PTPN4: variants seen among roughly 807,000 people sequenced by gnomAD.
PTPN4 encodes protein tyrosine phosphatase non-receptor type 4.
In PTPN4, 49 loss-of-function variants were observed where a neutral mutation model predicts 135.5. The observed-to-expected ratio is 0.36, with a 90% CI of 0.29 to 0.46. The LOEUF (loss-of-function observed/expected upper bound fraction) is 0.46, where lower values mean the gene tolerates loss of function less well. Ranked by LOEUF, PTPN4 falls within the 20% of genes least tolerant of loss-of-function variation. The pLI, the probability that PTPN4 is intolerant of heterozygous loss-of-function variation, is 1.00. For synonymous variants in PTPN4, 333 were observed against 369.9 expected, an observed-to-expected ratio of 0.90 and a Z score of 1.14; for missense variants, 860 against 1,101.0, an observed-to-expected ratio of 0.78 and a Z score of 3.10.
intron 2 of PTPN4, among the ~76,000 whole-genome samples, chr2:119,855,545 G>A (rs916792806): frequency 2.6e-5 from 4 of 152,242 alleles, no homozygotes; most frequent in Admixed American, 1.3e-4. Context: ...AAGGATATCC[G>A]TCTTTAGGAT....
intron 26 of PTPN4, among the ~76,000 whole-genome samples, chr2:119,969,785 C>T (rs890007361): frequency 1.3e-5 from 2 of 151,930 alleles, no homozygotes; most frequent in South Asian, 4.2e-4. Context: ...GTCTAGATCT[C>T]CTGACTTGGT....
chr2:119,925,727 A>G (rs1372354114), intron 12 of PTPN4, among the ~76,000 whole-genome samples: 3 of 152,168 alleles, frequency 2.0e-5, no homozygotes, highest in Non-Finnish European at 4.4e-5. Context: ...AAAATGTTGA[A>G]ATACTCTTTT....
intron 12 of PTPN4, among the ~76,000 whole-genome samples, chr2:119,924,588 T>C (rs1678792721): frequency 6.6e-6 from 1 of 152,158 alleles, no homozygotes; most frequent in Non-Finnish European, 1.5e-5. Flanking sequence ...AAAAGATAAG[T>C]ATCTTACTGT....
chr2:119,847,105 C>G (rs1677510594), intron 2 of PTPN4, among the ~76,000 whole-genome samples: 1 of 149,780 alleles, frequency 6.7e-6, no homozygotes, highest in South Asian at 2.1e-4. Context: ...ACGTTACCAT[C>G]TGGTATCATT....
rs1324839388 is a variant in PTPN4 at position 119,885,846 on chromosome 2, C to T, written c.639C>T (p.Thr213=). ...AEFNYLNTAR[T]LELYGVEFHY... ...TTAATTACCTAAACACAGCACGTAC[C>T]TTAGAACTCTATGGAGTTGAATTCC... is the stretch of plus-strand genomic sequence containing the variant. The change falls in exon 9 of 27, where the codon ACC becomes ACT. Residue 213 remains threonine (T), a synonymous_variant. Transcript: ENST00000263708. 2.5e-6 allele frequency: 4 copies of T among 1,604,488 alleles called. No homozygotes were observed. The South Asian group carries it at 3.4e-5, about 14-fold the overall frequency.
At chr2:119,918,643 T>C (rs1413184067) in intron 11 of PTPN4, among the ~76,000 whole-genome samples, 2 of 152,160 alleles carry the variant, frequency 1.3e-5, no homozygotes, top group East Asian at 1.9e-4. Flanking sequence ...ATGGCACATA[T>C]GCTACTGGTG....
At chr2:119,889,905 T>TA (rs1357658083) in intron 9 of PTPN4, among the ~76,000 whole-genome samples, 3 of 152,210 alleles carry the variant, frequency 2.0e-5, no homozygotes, top group African/African-American at 7.2e-5. Flanking sequence ...GTTGTTTAAC[T>TA]AATTTGTTGA....
intron 1 of PTPN4, among the ~76,000 whole-genome samples, chr2:119,775,593 C>T (rs995911010): frequency 6.6e-6 from 1 of 152,098 alleles, no homozygotes; most frequent in Non-Finnish European, 1.5e-5. Context: ...AAAGGATTGT[C>T]AGCATTATGG....
chr2:119,862,432 C>A, intron 2 of PTPN4, 104 bp from the exon 3 acceptor site: 1 of 983,888 alleles, frequency 1.0e-6, no homozygotes, highest in Non-Finnish European at 1.5e-6. Context: ...CTACCTCTGG[C>A]ATAAATGGGT....
At chr2:119,958,718 G>A (rs1414069964) in intron 22 of PTPN4, among the ~76,000 whole-genome samples, 1 of 152,156 alleles carries the variant, frequency 6.6e-6, no homozygotes, top group Non-Finnish European at 1.5e-5. Context: ...ATTTTAATTA[G>A]CTGATCAATA....
rs774721137 is a variant in PTPN4 at position 119,882,484 on chromosome 2, G to A, written c.467-19G>A. Reference sequence around the variant, plus strand: ...AAAATTTGTTTATTAAAATGTGAATGTTTTCCTTTCATTATTAGCTGAACT... The same window carrying A: ...AAAATTTGTTTATTAAAATGTGAATATTTTCCTTTCATTATTAGCTGAACT... On this transcript the variant is annotated intron_variant, in intron 7 of 26. Coordinates refer to ENST00000263708, the MANE Select transcript of PTPN4 (RefSeq NM_002830.4). 2.0e-6 allele frequency: 3 copies of A among 1,491,224 alleles called. No homozygotes were observed. The South Asian group carries it at 3.9e-5, about 20-fold the overall frequency. The allele number at this position is 1,491,224 out of a possible 1,614,324, so 92.4% of individuals were successfully genotyped here. A position where few individuals can be genotyped will look rare whatever the true frequency, so the allele number is the denominator to read the frequency against.
chr2:119,876,208 A>G (rs1220924756), intron 3 of PTPN4, among the ~76,000 whole-genome samples: 1 of 152,174 alleles, frequency 6.6e-6, no homozygotes, highest in African/African-American at 2.4e-5. Flanking sequence ...AGAAATTATC[A>G]AGAAGTGTTA....
At chr2:119,938,221 G>A (rs543062433) in intron 15 of PTPN4, among the ~76,000 whole-genome samples, 2 of 145,436 alleles carry the variant, frequency 1.4e-5, no homozygotes, top group Admixed American at 7.2e-5. Flanking sequence ...TCTACCTCCC[G>A]GGTTCACGCC....
chr2:119,971,642 G>A (rs1679536218), intron 26 of PTPN4, among the ~76,000 whole-genome samples: 1 of 152,148 alleles, frequency 6.6e-6, no homozygotes, highest in Non-Finnish European at 1.5e-5. Context: ...CTTGATTATA[G>A]TAGTTGATGC....
At chr2:119,919,596 G>A (rs911304415) in intron 11 of PTPN4, among the ~76,000 whole-genome samples, 1 of 152,148 alleles carries the variant, frequency 6.6e-6, no homozygotes, top group East Asian at 1.9e-4. Flanking sequence ...GCCAAGGCAG[G>A]TAGATCACTT....
At chr2:119,890,235 G>A (rs1399987013) in intron 9 of PTPN4, among the ~76,000 whole-genome samples, 1 of 150,550 alleles carries the variant, frequency 6.6e-6, no homozygotes, top group Non-Finnish European at 1.5e-5. Flanking sequence ...CTCTTACTGG[G>A]TTGATCTCTT....
chr2:119,784,409 CAG>C (rs1190507663), intron 1 of PTPN4, among the ~76,000 whole-genome samples: 1 of 114,340 alleles, frequency 8.7e-6, no homozygotes, highest in Non-Finnish European at 1.7e-5. Flanking sequence ...TTTTTTGAGA[CAG>C]AGTCTTGCTC....
intron 2 of PTPN4, among the ~76,000 whole-genome samples, chr2:119,817,421 C>T (rs1677003486): frequency 6.6e-6 from 1 of 151,690 alleles, no homozygotes; most frequent in Admixed American, 6.6e-5. Flanking sequence ...TTCATTTCAG[C>T]CTTGGTGAAT....
At chr2:119,778,076 G>C (rs753498288) in intron 1 of PTPN4, among the ~76,000 whole-genome samples, 1 of 151,926 alleles carries the variant, frequency 6.6e-6, no homozygotes, top group Non-Finnish European at 1.5e-5. Flanking sequence ...CTAGGGAAGA[G>C]AGGAACAATA....
Sources: allele counts gnomAD v4.1 joint callset (sites outside exome capture counted in the v4.1 genomes callset), GRCh38; gene constraint gnomAD v4.1.1; transcripts MANE v1.5; gene names NCBI Gene and HGNC (gene_info 2026-07-23, HGNC 2026-07-21).